SYT16: variants seen among roughly 807,000 people sequenced by gnomAD.
SYT16 encodes the protein synaptotagmin-16.
SYT16 carries 42 observed loss-of-function variants against 61.4 expected under a neutral mutation model. That is an observed-to-expected ratio of 0.68 (90% CI 0.53 to 0.89). SYT16 has a LOEUF of 0.89. SYT16 is among the 40% of genes least tolerant of loss of function. SYT16 has a pLI of 0.00. For synonymous variants in SYT16, 314 were observed against 302.3 expected, an observed-to-expected ratio of 1.04 and a Z score of -0.40; for missense variants, 804 against 807.3, an observed-to-expected ratio of 1.00 and a Z score of 0.05.
At chr14:62,050,168 T>C (rs868131614) in intron 3 of SYT16, among the ~76,000 whole-genome samples, 2 of 152,192 alleles carry the variant, frequency 1.3e-5, no homozygotes, top group Non-Finnish European at 2.9e-5. Context: ...GCTTTGTTCG[T>C]TTCTTTTTAT....
intron 3 of SYT16, among the ~76,000 whole-genome samples, chr14:62,041,510 A>T (rs1019381930): frequency 1.3e-5 from 2 of 151,968 alleles, no homozygotes; most frequent in African/African-American, 4.8e-5. Flanking sequence ...ACTCTGGGCC[A>T]TTTTTTTATT....
chr14:62,055,798 G>C (rs2055528206), intron 3 of SYT16, among the ~76,000 whole-genome samples: 1 of 152,168 alleles, frequency 6.6e-6, no homozygotes, highest in Non-Finnish European at 1.5e-5. Context: ...TTATTAAGGA[G>C]TATAGACTCA....
chr14:62,009,761 G>A (rs539629009), intron 3 of SYT16, among the ~76,000 whole-genome samples: 4 of 152,248 alleles, frequency 2.6e-5, no homozygotes, highest in East Asian at 3.9e-4. Flanking sequence ...TTGGGTTCTC[G>A]TCTGTAACTT....
chr14:61,856,215 A>T (rs1218431198), intron 1 of SYT16, among the ~76,000 whole-genome samples: 1 of 152,218 alleles, frequency 6.6e-6, no homozygotes, highest in East Asian at 1.9e-4. Flanking sequence ...TGATAACAGA[A>T]TAATGTTATC....
intron 6 of SYT16, among the ~76,000 whole-genome samples, chr14:62,083,958 A>T (rs907378138): frequency 1.3e-5 from 2 of 152,152 alleles, no homozygotes; most frequent in Non-Finnish European, 2.9e-5. Flanking sequence ...TTTTGCCTTT[A>T]GAGAGGAAAT....
intron 2 of SYT16, among the ~76,000 whole-genome samples, chr14:61,991,490 C>T (rs755066333): frequency 5.9e-5 from 9 of 152,030 alleles, no homozygotes; most frequent in Non-Finnish European, 1.3e-4. Context: ...TGAAATTTAC[C>T]TAAGCCCCAA....
At chr14:62,054,364 T>G (rs1238700062) in intron 3 of SYT16, among the ~76,000 whole-genome samples, 4 of 149,766 alleles carry the variant, frequency 2.7e-5, no homozygotes, top group Admixed American at 1.3e-4. Context: ...AAGTGAGTTT[T>G]TTTTTTTTTT....
At chr14:61,819,455 C>T (rs756824116) in intron 1 of SYT16, among the ~76,000 whole-genome samples, 1 of 152,152 alleles carries the variant, frequency 6.6e-6, no homozygotes, top group African/African-American at 2.4e-5. Flanking sequence ...AGGTAGTTTA[C>T]ATTTATGGAT....
intron 4 of SYT16, among the ~76,000 whole-genome samples, chr14:62,074,645 G>A (rs899497763): frequency 6.6e-6 from 1 of 152,062 alleles, no homozygotes; most frequent in Non-Finnish European, 1.5e-5. Context: ...ATTTAAACTC[G>A]GATCATACCA....
chr14:61,906,793 CCA>C (rs2048738585), intron 1 of SYT16, among the ~76,000 whole-genome samples: 1 of 140,842 alleles, frequency 7.1e-6, no homozygotes, highest in Non-Finnish European at 1.7e-5. Context: ...GTCCGTCCAT[CCA>C]TCCATCCATC....
intron 5 of SYT16, among the ~76,000 whole-genome samples, chr14:62,078,172 A>AACACAC (rs144022896): frequency 0.1 from 13,254 of 128,426 alleles, 859 homozygotes; most frequent in African/African-American, 0.19. Context: ...TATATATATA[A>AACACAC]ACACACACAC....
intron 3 of SYT16, among the ~76,000 whole-genome samples, chr14:62,036,888 A>G (rs2054531490): frequency 1.3e-5 from 2 of 152,158 alleles, no homozygotes; most frequent in South Asian, 4.1e-4. Context: ...CTCACAGTAG[A>G]TTCCTGAGGA....
intron 1 of SYT16, among the ~76,000 whole-genome samples, chr14:61,820,990 C>G (rs887916039): frequency 1.1e-4 from 16 of 152,292 alleles, no homozygotes; most frequent in African/African-American, 3.6e-4. Flanking sequence ...TTGACATTCC[C>G]TGTCTCTCTT....
chr14:62,043,407 C>CTTTTTTTTTT (rs1203186408), intron 3 of SYT16, among the ~76,000 whole-genome samples: 1 of 122,558 alleles, frequency 8.2e-6, no homozygotes, highest in African/African-American at 3.1e-5. Context: ...ATTTTTCTTT[C>CTTTTTTTTTT]TTTTTTTTTT....
chr14:62,047,095 G>C (rs527990134), intron 3 of SYT16, among the ~76,000 whole-genome samples: 59 of 152,228 alleles, frequency 3.9e-4, no homozygotes, highest in African/African-American at 1.3e-3. Flanking sequence ...AGCATGGAAT[G>C]TTTGTATCCT....
intron 1 of SYT16, among the ~76,000 whole-genome samples, chr14:61,876,591 G>A (rs2047503643): frequency 6.6e-6 from 1 of 152,216 alleles, no homozygotes; most frequent in Non-Finnish European, 1.5e-5. Flanking sequence ...TCTTTCAAAT[G>A]ACTCCATTTG....
rs2057624935 is a variant in SYT16, at chr14:62,112,490, T to C, written c.*11783T>C. 6.6e-6 allele frequency: 1 copy of C among 152,166 alleles called. No individual in the cohort carries two copies. The highest frequency in any genetic ancestry group is 2.4e-5 in the African/African-American group (1 of 41,436). 9.4% of individuals were successfully genotyped at this position (152,166 alleles called of 1,614,324 possible). The stretch of plus-strand genomic sequence containing the variant: ...ATAGTTCATGAAAACTGAAAATCAT[T>C]CCAATTTTGTAAAACTGCTGCTACT... On this transcript the variant is annotated 3_prime_UTR_variant, in exon 8 of 8. Coordinates refer to ENST00000683842, the MANE Select transcript of SYT16 (RefSeq NM_001367656.1).
intron 7 of SYT16, among the ~76,000 whole-genome samples, chr14:62,096,986 G>C (rs1595407239): frequency 1.3e-5 from 2 of 152,128 alleles, no homozygotes; most frequent in East Asian, 3.9e-4. Context: ...CTGTATCCCA[G>C]AGATTCATAG....
intron 3 of SYT16, among the ~76,000 whole-genome samples, chr14:61,999,985 A>G (rs1434207088): frequency 6.6e-6 from 1 of 150,432 alleles, no homozygotes; most frequent in Non-Finnish European, 1.5e-5. Context: ...ATTGTTGGAT[A>G]TTTCATGTGC....
Sources: allele counts gnomAD v4.1 joint callset (sites outside exome capture counted in the v4.1 genomes callset), GRCh38; gene constraint gnomAD v4.1.1; transcripts MANE v1.5; gene names NCBI Gene and HGNC (gene_info 2026-07-23, HGNC 2026-07-21).